Variants in CTNND1 observed in about 807,000 individuals in gnomAD.
CTNND1 encodes catenin delta-1.
Under a neutral mutation model 112.1 loss-of-function variants are expected in CTNND1, and 16 were observed. The observed-to-expected ratio is 0.14, with a 90% CI of 0.10 to 0.22. The LOEUF is 0.22. CTNND1 is among the 10% of genes least tolerant of loss of function. The pLI is 1.00. For missense variants in CTNND1, 1,008 were observed against 1,257.0 expected (o/e 0.80, Z 3.00); for synonymous variants, 420 against 446.5 (o/e 0.94, Z 0.75).
chr11:57,771,445 T>A (rs1471970998), intron 1 of CTNND1, among the ~76,000 whole-genome samples: 2 of 144,372 alleles, frequency 1.4e-5, no homozygotes, highest in Admixed American at 1.4e-4. Context: ...TCAGGGAGGG[T>A]CTCATGTGTA....
At chr11:57,806,772 A>G (rs1281238965) in intron 11 of CTNND1, 143 bp from the exon 12 acceptor site, 1 of 690,836 alleles carries the variant, frequency 1.4e-6, no homozygotes, top group East Asian at 2.7e-5. Flanking sequence ...CTGCTGGAAC[A>G]AGTTGCCCTC....
intron 1 of CTNND1, among the ~76,000 whole-genome samples, chr11:57,768,839 CAT>C (rs1951803909): frequency 6.6e-6 from 1 of 152,122 alleles, no homozygotes; most frequent in East Asian, 1.9e-4. Flanking sequence ...GTGGGAAATA[CAT>C]ATGTGTTAGA....
intron 17 of CTNND1, among the ~76,000 whole-genome samples, chr11:57,811,961 T>C (rs541774715): frequency 1.3e-5 from 2 of 152,356 alleles, no homozygotes; most frequent in African/African-American, 4.8e-5. Flanking sequence ...GTTTTGTAAA[T>C]TTTTTCTTTT....
At chr11:57,790,445 G>A (rs1283082919) in intron 2 of CTNND1, among the ~76,000 whole-genome samples, 2 of 140,722 alleles carry the variant, frequency 1.4e-5, no homozygotes, top group Non-Finnish European at 3.2e-5. Flanking sequence ...GTGCAATGGC[G>A]CGATCTTGGC....
At chr11:57,775,590 C>T (rs935185669) in intron 1 of CTNND1, among the ~76,000 whole-genome samples, 1 of 152,092 alleles carries the variant, frequency 6.6e-6, no homozygotes, top group Admixed American at 6.5e-5. Context: ...AATTGTGGAA[C>T]AAATTCAGGA....
chr11:57,782,832 A>G (rs1372555143), intron 1 of CTNND1, among the ~76,000 whole-genome samples: 1 of 152,252 alleles, frequency 6.6e-6, no homozygotes, highest in Non-Finnish European at 1.5e-5. Context: ...CATATCCAGA[A>G]TAATACAGGT....
intron 17 of CTNND1, among the ~76,000 whole-genome samples, chr11:57,812,611 A>G (rs2063499392): frequency 6.6e-6 from 1 of 152,208 alleles, no homozygotes; most frequent in South Asian, 2.1e-4. Flanking sequence ...ATATTAAAGC[A>G]TGATGGTTGT....
chr11:57,781,411 A>G (rs914607448), intron 1 of CTNND1, among the ~76,000 whole-genome samples: 3 of 152,138 alleles, frequency 2.0e-5, no homozygotes, highest in Non-Finnish European at 2.9e-5. Context: ...AGACCTAATC[A>G]ATACCTTTGC....
At chr11:57,799,407 C>T (rs2061731644) in intron 6 of CTNND1, among the ~76,000 whole-genome samples, 1 of 152,160 alleles carries the variant, frequency 6.6e-6, no homozygotes, top group African/African-American at 2.4e-5. Context: ...GAGTTTTGGG[C>T]CTGGTTCTTG....
rs921424107 is a variant in CTNND1, at chr11:57,769,321, CA to C, written c.-214+7215del. ...TGGGCGACAGGGCGAGACTCCGTCT[CA>C]AAAAAAAAAAAACAGAGAGACAGAG... is the stretch of plus-strand genomic sequence containing the variant. On this transcript the variant is annotated intron_variant, in intron 1 of 20. Coordinates refer to ENST00000399050, the MANE Select transcript of CTNND1 (RefSeq NM_001085458.2). 7.7e-3 allele frequency among the ~76,000 whole-genome samples: 999 copies of C among 129,552 alleles called. 9 individuals carry two copies. The highest frequency in any genetic ancestry group is 0.025 in the African/African-American group (884 of 35,446). 85.0% of individuals were successfully genotyped at this position (129,552 alleles called of 152,430 possible). A position where few individuals can be genotyped will look rare whatever the true frequency, so the allele number is the denominator to read the frequency against.
At chr11:57,783,532 G>A (rs1397414596) in intron 1 of CTNND1, among the ~76,000 whole-genome samples, 6 of 151,970 alleles carry the variant, frequency 3.9e-5, no homozygotes, top group African/African-American at 1.4e-4. Context: ...GTTGGCGGGC[G>A]CCTGTGGTCC....
At chr11:57,768,385 CCTT>C (rs1458881692) in intron 1 of CTNND1, among the ~76,000 whole-genome samples, 17 of 115,184 alleles carry the variant, frequency 1.5e-4, no homozygotes, top group East Asian at 8.3e-4. Flanking sequence ...TGGACATCAT[CCTT>C]TTTTTTTTTT....
chr11:57,769,687 GTTGC>G (rs1383345653), intron 1 of CTNND1, among the ~76,000 whole-genome samples: 4 of 150,904 alleles, frequency 2.7e-5, no homozygotes, highest in Non-Finnish European at 4.4e-5. Flanking sequence ...CTTCATGGGC[GTTGC>G]TTTGCCTCAC....
chr11:57,791,180 T>C (rs2060699920), intron 2 of CTNND1, among the ~76,000 whole-genome samples: 1 of 152,258 alleles, frequency 6.6e-6, no homozygotes, highest in South Asian at 2.1e-4. Context: ...TCAATAGTTA[T>C]TTCTGGTGGG....
At chr11:57,816,155 T>TA (rs1355140723) in intron 20 of CTNND1, 142 bp from the exon 21 acceptor site, 4 of 1,201,456 alleles carry the variant, frequency 3.3e-6, no homozygotes, top group Non-Finnish European at 4.9e-6. Context: ...TATTACCTCT[T>TA]ACGAGTCTGG....
intron 12 of CTNND1, among the ~76,000 whole-genome samples, chr11:57,807,605 CAAAAAAAAAAAAAAA>C (rs71470294): frequency 1.0e-4 from 3 of 29,226 alleles, no homozygotes; most frequent in East Asian, 3.3e-3. Flanking sequence ...AACTCCGTCT[CAAAAAAAAAAAAAAA>C]AAAAAAAAAA....
chr11:57,812,290 C>CGGGCAGATCACCTGAGGT (rs1305434479), intron 17 of CTNND1, among the ~76,000 whole-genome samples: 11 of 152,136 alleles, frequency 7.2e-5, no homozygotes, highest in Admixed American at 6.5e-4. Flanking sequence ...GAGGCTGAGG[C>CGGGCAGATCACCTGAGGT]GGGCAGATCA....
Position 57,780,778 on chromosome 11 carries a change from A to G in CTNND1, c.-213-8259A>G, listed in dbSNP as rs149942467. ...GGAAGACATACTCCAAACTTGATGA[A>G]AAGAATGCCTTATTGGTCTTTTCAG... On this transcript the variant is annotated intron_variant, in intron 1 of 20. Transcript: ENST00000399050. 9.8e-4 allele frequency among the ~76,000 whole-genome samples: 150 copies of G among 152,330 alleles called. 1 individual carries two copies. The highest frequency in any genetic ancestry group is 8.8e-3 in the Admixed American group (135 of 15,304).
At chr11:57,783,667 A>G (rs2059838512) in intron 1 of CTNND1, among the ~76,000 whole-genome samples, 1 of 152,126 alleles carries the variant, frequency 6.6e-6, no homozygotes, top group African/African-American at 2.4e-5. Context: ...TCAAAATAAA[A>G]AAAAAGCCAT....
Sources: allele counts gnomAD v4.1 joint callset (sites outside exome capture counted in the v4.1 genomes callset), GRCh38; gene constraint gnomAD v4.1.1; transcripts MANE v1.5; gene names NCBI Gene and HGNC (gene_info 2026-07-23, HGNC 2026-07-21).